The following PRKAA2 variants were observed in gnomAD, a reference collection of about 807,000 sequenced individuals.
PRKAA2 encodes the protein 5'-AMP-activated protein kinase catalytic subunit alpha-2.
In PRKAA2, 40 loss-of-function variants were observed where a neutral mutation model predicts 56.3. The observed-to-expected ratio is 0.71, with a 90% CI of 0.55 to 0.92. The LOEUF (loss-of-function observed/expected upper bound fraction) is 0.92, where lower values mean the gene tolerates loss of function less well. PRKAA2 is among the 40% of genes least tolerant of loss of function. The pLI, the probability that PRKAA2 is intolerant of heterozygous loss-of-function variation, is 0.00. For synonymous variants in PRKAA2, 214 were observed against 234.2 expected (o/e 0.91, Z 0.79); for missense variants, 542 against 686.9 (o/e 0.79, Z 2.36).
Position 56,657,114 on chromosome 1 carries a change from T to C in PRKAA2, c.94+11633T>C, listed in dbSNP as rs554265989. Among the ~76,000 whole-genome samples, 5 of 152,312 alleles carry C rather than the reference T, an allele frequency of 3.3e-5. No homozygotes were observed. The East Asian group carries it at 9.7e-4, about 29-fold the overall frequency. ...TCATTGTGCAACTGGTCTAAACCAA[T>C]TCCCTTTTCTTGAGCCTCCCTTATG... On this transcript the variant is annotated intron_variant, in intron 1 of 8. Coordinates refer to ENST00000371244, the MANE Select transcript of PRKAA2 (RefSeq NM_006252.4).
intron 2 of PRKAA2, among the ~76,000 whole-genome samples, chr1:56,687,797 T>A (rs1319918893): frequency 6.6e-6 from 1 of 152,166 alleles, no homozygotes; most frequent in Non-Finnish European, 1.5e-5. Flanking sequence ...CTCATGAATG[T>A]TGATTTTTGG....
Position 56,672,152 on chromosome 1 carries a change from C to T in PRKAA2, c.95-2229C>T, listed in dbSNP as rs183325534. 4.1e-4 allele frequency among the ~76,000 whole-genome samples: 62 copies of T among 152,250 alleles called. No homozygotes were observed. In the East Asian group the frequency reaches 0.011, roughly 26 times the overall value. On this transcript the variant is annotated intron_variant, in intron 1 of 8. Coordinates refer to ENST00000371244, the MANE Select transcript of PRKAA2 (RefSeq NM_006252.4). ...ATTTTTTTAGAGACAGGGTCTCACT[C>T]TGTCACCCAGGCTGTATTGCAGTGG...
rs969200924 is a variant in PRKAA2, at chr1:56,657,278, C to A, written c.94+11797C>A. Among the ~76,000 whole-genome samples, 8 of 152,044 alleles carry A rather than the reference C, an allele frequency of 5.3e-5. No homozygotes were observed. In the East Asian group the frequency reaches 1.5e-3, roughly 29 times the overall value. ...TAATAAGTTGACTCCCCAACTAAAA[C>A]AGTGAAAACAAGGAAAAAATGGAAT... On this transcript the variant is annotated intron_variant, in intron 1 of 8. Transcript: ENST00000371244.
At chr1:56,701,402 A>AT (rs951748696) in intron 6 of PRKAA2, among the ~76,000 whole-genome samples, 55 of 151,934 alleles carry the variant, frequency 3.6e-4, no homozygotes, top group Non-Finnish European at 6.5e-4. Context: ...CTCAAAAAAA[A>AT]ATATATATAG....
In PRKAA2 at chr1:56,692,413, A is replaced by G; in HGVS notation, c.386A>G (p.Tyr129Cys). 6.2e-7 allele frequency: 1 copy of G among 1,614,062 alleles called. No individual in the cohort carries two copies. Among genetic ancestry groups the G allele is most frequent in the Non-Finnish European group, 8.5e-7 (1 of 1,179,958 alleles). The change falls in exon 4 of 9, where the codon TAC (tyrosine) becomes TGC (cysteine). Residue 129 changes from tyrosine (Y) to cysteine (C), a missense_variant. Transcript: ENST00000371244. ...LFQQILSAVD[Y>C]CHRHMVVHRD... ...CAGCAGATTCTGTCTGCTGTGGATT[A>G]CTGTCATAGGCATATGGTTGTTCAT...
chr1:56,677,658 C>CT (rs10597018), intron 2 of PRKAA2, among the ~76,000 whole-genome samples: 5 of 144,546 alleles, frequency 3.5e-5, no homozygotes, highest in Non-Finnish European at 6.0e-5. Flanking sequence ...GCTTCTTTTC[C>CT]TTTTTTTTTT....
At chr1:56,659,955 G>A (rs1643981280) in intron 1 of PRKAA2, among the ~76,000 whole-genome samples, 1 of 152,146 alleles carries the variant, frequency 6.6e-6, no homozygotes, top group Non-Finnish European at 1.5e-5. Flanking sequence ...AATTAAAGAA[G>A]TTAGGTGTAG....
At position 56,645,338 on chromosome 1, in the gene PRKAA2, G is replaced by A. The variant is rs757978101; in HGVS notation, c.-50G>A. 3.5e-5 allele frequency: 49 copies of A among 1,400,866 alleles called. No homozygotes were observed. The East Asian group carries it at 1.5e-3, about 44-fold the overall frequency. 86.8% of individuals were successfully genotyped at this position (1,400,866 alleles called of 1,614,324 possible). On this transcript the variant is annotated 5_prime_UTR_variant, in exon 1 of 9. Coordinates refer to ENST00000371244, the MANE Select transcript of PRKAA2 (RefSeq NM_006252.4). ...TGCACTGTGGGTAGGCGGCGGCGGC[G>A]GCGGCTACGCGGAGCGGCAGGCGGT...
intron 1 of PRKAA2, among the ~76,000 whole-genome samples, chr1:56,664,817 TA>T (rs1644021982): frequency 6.6e-6 from 1 of 151,558 alleles, no homozygotes; most frequent in African/African-American, 2.4e-5. Context: ...TTAATGCATT[TA>T]TATACATAGA....
rs371960808 is a variant in PRKAA2, at chr1:56,706,226, A to G, written c.1420+8A>G. ...ACTTTAAAAGCATTGATGGTAAGGA[A>G]GCTATGCATGCATGAGCTCTGAGAA... On this transcript the variant is annotated splice_region_variant and intron_variant, in intron 8 of 8. Transcript: ENST00000371244. 1.4e-5 allele frequency: 22 copies of G among 1,612,174 alleles called. No individual in the cohort carries two copies. In the African/African-American group the frequency reaches 2.8e-4, roughly 21 times the overall value.
chr1:56,655,280 A>ATATATATATATT lies in PRKAA2; in HGVS notation c.94+9800_94+9801insATATATATATTT. Among the ~76,000 whole-genome samples, 69 of 93,654 alleles carry ATATATATATATT rather than the reference A, an allele frequency of 7.4e-4. 1 individual carries two copies. In the South Asian group the frequency reaches 7.9e-3, roughly 11 times the overall value. The allele number at this position is 93,654 out of a possible 152,430, so 61.4% of individuals were successfully genotyped here. A position where few individuals can be genotyped will look rare whatever the true frequency, so the allele number is the denominator to read the frequency against. On this transcript the variant is annotated intron_variant, in intron 1 of 8. Coordinates refer to ENST00000371244, the MANE Select transcript of PRKAA2 (RefSeq NM_006252.4). ...TGTATTTATATATCTATATATATAT[A>ATATATATATATT]TTTTTTTTTTTTTTTTGTAGAGACA...
At chr1:56,651,441 T>G (rs1469890133) in intron 1 of PRKAA2, among the ~76,000 whole-genome samples, 1 of 152,178 alleles carries the variant, frequency 6.6e-6, no homozygotes, top group Non-Finnish European at 1.5e-5. Flanking sequence ...AATCAGATAC[T>G]TTAAGTAACT....
chr1:56,692,233 T>C, intron 3 of PRKAA2, 125 bp from the exon 4 acceptor site: 1 of 1,099,962 alleles, frequency 9.1e-7, no homozygotes, highest in Non-Finnish European at 1.3e-6. Flanking sequence ...AGTTTCACCT[T>C]ATTGGTCAGG....
chr1:56,699,601 T>A (rs1225594184), intron 6 of PRKAA2, among the ~76,000 whole-genome samples: 1 of 152,246 alleles, frequency 6.6e-6, no homozygotes, highest in Admixed American at 6.5e-5. Flanking sequence ...AATTAATTTT[T>A]AAAATATAAT....
intron 3 of PRKAA2, among the ~76,000 whole-genome samples, chr1:56,692,063 T>G (rs1334235846): frequency 6.7e-6 from 1 of 148,556 alleles, no homozygotes; most frequent in Admixed American, 6.7e-5. Flanking sequence ...GACAGACTCT[T>G]GCTCTGTTGC....
chr1:56,707,719 C>G lies in PRKAA2; in HGVS notation c.*6C>G, dbSNP rs756936179. ...TTACTACTTTAGCCCGTTGATCTGT[C>G]TCTAGTTTCTTTCTGTTATTGCACT... is the stretch of plus-strand genomic sequence containing the variant. On this transcript the variant is annotated 3_prime_UTR_variant, in exon 9 of 9. Transcript: ENST00000371244. 1.9e-6 allele frequency: 3 copies of G among 1,566,348 alleles called. No homozygotes were observed. In the South Asian group the frequency reaches 3.3e-5, roughly 17 times the overall value.
intron 2 of PRKAA2, among the ~76,000 whole-genome samples, chr1:56,687,294 T>A (rs857131): frequency 0.97 from 148,387 of 152,296 alleles, 72,308 homozygotes; most frequent in East Asian, 1. Context: ...TAAAATAACT[T>A]CTAGAATATT....
chr1:56,651,063 C>G (rs1227778265), intron 1 of PRKAA2, among the ~76,000 whole-genome samples: 1 of 152,116 alleles, frequency 6.6e-6, no homozygotes, highest in African/African-American at 2.4e-5. Flanking sequence ...AAGCCCTGAA[C>G]AATTTAACTC....
At chr1:56,662,251 AT>A (rs1311881510) in intron 1 of PRKAA2, among the ~76,000 whole-genome samples, 1 of 152,156 alleles carries the variant, frequency 6.6e-6, no homozygotes, top group Non-Finnish European at 1.5e-5. Flanking sequence ...TTTAGGAAGA[AT>A]CTCTTTTTTT....
Sources: gnomAD v4.1 joint callset for allele counts (sites outside exome capture counted in the v4.1 genomes callset) on GRCh38, gnomAD v4.1.1 for gene constraint, MANE v1.5 for transcripts, NCBI Gene and HGNC (gene_info 2026-07-23, HGNC 2026-07-21) for gene names.